KCNE3: variants seen among roughly 807,000 people sequenced by gnomAD.
KCNE3 encodes the protein potassium voltage-gated channel subfamily E member 3.
KCNE3 carries 2 observed loss-of-function variants against 4.3 expected under a neutral mutation model. The ratio of observed to expected loss-of-function variants is 0.47; its 90% CI spans 0.19 to 1.48. The LOEUF is 1.48. Among genes scored for constraint, KCNE3 ranks in the 40% most tolerant of loss-of-function variants. The probability of loss-of-function intolerance (pLI) is 0.25; values close to 1 mark genes in which losing one functional copy is unlikely to be tolerated. For missense variants in KCNE3, 128 were observed against 136.8 expected (o/e 0.94, Z 0.32); for synonymous variants, 47 against 52.0 (o/e 0.90, Z 0.41).
At position 74,457,386 on chromosome 11, in the gene KCNE3, A is replaced by G. The variant is rs1454156785; in HGVS notation, c.178T>C (p.Tyr60His). Residue 60 changes from tyrosine (Y) to histidine (H), a missense_variant, in exon 3 of 3, where the codon TAC (tyrosine) becomes CAC (histidine). Physicochemically the swap from Tyr to His is moderately conservative, Grantham distance 83. Transcript: ENST00000310128. ...AATAGAAACATGACAAAGAGAATGT[A>G]CATGTAGGAGTTGTCATCACGGCCA... ...LPGRDDNSYM[Y>H]ILFVMFLFAV... 6.2e-7 allele frequency: 1 copy of G among 1,614,190 alleles called. No homozygotes were observed. The highest frequency in any genetic ancestry group is 2.2e-5 in the East Asian group (1 of 44,884).
intron 2 of KCNE3, among the ~76,000 whole-genome samples, chr11:74,460,927 A>G (rs3853688): frequency 0.44 from 66,271 of 152,014 alleles, 14,598 homozygotes; most frequent in Admixed American, 0.48. Flanking sequence ...TGAGTCATGA[A>G]TTGGGGCAGA....
Position 74,457,212 on chromosome 11 carries a change from C to G in KCNE3, c.*40G>C. 1 of 1,591,810 alleles carries G rather than the reference C, an allele frequency of 6.3e-7. No homozygotes were observed. The highest frequency in any genetic ancestry group is 1.7e-5 in the Admixed American group (1 of 58,140). ...AGTTCTGGAGGCCCCAGACGCAATC[C>G]CCAGGTGTCTTGGTCTTCCACCGTC... is the stretch of plus-strand genomic sequence containing the variant. On this transcript the variant is annotated 3_prime_UTR_variant, in exon 3 of 3. Coordinates refer to ENST00000310128, the MANE Select transcript of KCNE3 (RefSeq NM_005472.5).
At chr11:74,459,434 T>G (rs1366454726) in intron 2 of KCNE3, among the ~76,000 whole-genome samples, 1 of 151,956 alleles carries the variant, frequency 6.6e-6, no homozygotes. Context: ...GCTAATTTTT[T>G]TGTATTTTTA....
intron 1 of KCNE3, among the ~76,000 whole-genome samples, chr11:74,463,694 C>T (rs1227650373): frequency 6.6e-6 from 1 of 152,108 alleles, no homozygotes; most frequent in Non-Finnish European, 1.5e-5. Flanking sequence ...TCCAGGCCAA[C>T]CCCTCCATTT....
chr11:74,458,516 T>C (rs550182494), intron 2 of KCNE3, among the ~76,000 whole-genome samples: 1 of 152,264 alleles, frequency 6.6e-6, no homozygotes, highest in Non-Finnish European at 1.5e-5. Context: ...ATCACAACTC[T>C]CCTTGAGCAC....
intron 2 of KCNE3, among the ~76,000 whole-genome samples, chr11:74,459,485 AT>A (rs1395906629): frequency 6.6e-6 from 1 of 151,976 alleles, no homozygotes; most frequent in Non-Finnish European, 1.5e-5. Context: ...GATGGTCTCG[AT>A]CTCCTGACTT....
intron 2 of KCNE3, among the ~76,000 whole-genome samples, chr11:74,457,808 G>A (rs1398805352): frequency 6.6e-6 from 1 of 152,146 alleles, no homozygotes; most frequent in Non-Finnish European, 1.5e-5. Flanking sequence ...AATCATGGGG[G>A]TGGGTTTTTC....
chr11:74,463,281 A>G (rs182479166), intron 1 of KCNE3, among the ~76,000 whole-genome samples: 1 of 152,102 alleles, frequency 6.6e-6, no homozygotes, highest in East Asian at 1.9e-4. Context: ...ATAGACTAGG[A>G]TGTTTGTGCT....
chr11:74,463,422 G>C (rs1263584109), intron 1 of KCNE3, among the ~76,000 whole-genome samples: 1 of 152,102 alleles, frequency 6.6e-6, no homozygotes, highest in Non-Finnish European at 1.5e-5. Context: ...GGCACAAGTT[G>C]GTTCTCTATG....
intron 2 of KCNE3, among the ~76,000 whole-genome samples, chr11:74,461,331 G>A (rs1863949336): frequency 6.7e-6 from 1 of 148,494 alleles, no homozygotes; most frequent in African/African-American, 2.6e-5. Context: ...TGTGTTTTAA[G>A]CACAATTTTA....
intron 2 of KCNE3, among the ~76,000 whole-genome samples, chr11:74,460,595 C>T (rs553950616): frequency 6.6e-6 from 1 of 152,112 alleles, no homozygotes; most frequent in South Asian, 2.1e-4. Flanking sequence ...TGAGCAAAGG[C>T]AGAACAAGAA....
intron 1 of KCNE3, among the ~76,000 whole-genome samples, chr11:74,466,942 G>T (rs1864069097): frequency 6.6e-6 from 1 of 152,242 alleles, no homozygotes; most frequent in African/African-American, 2.4e-5. Flanking sequence ...CAGGGTGAAG[G>T]ACACAGTGAG....
chr11:74,460,907 T>C (rs1361581403), intron 2 of KCNE3, among the ~76,000 whole-genome samples: 2 of 152,068 alleles, frequency 1.3e-5, no homozygotes, highest in Non-Finnish European at 2.9e-5. Context: ...AATAGTTTAG[T>C]GTAAGATGCT....
Position 74,456,329 on chromosome 11 carries a change from C to CAAAAA in KCNE3, c.*918_*922dup, listed in dbSNP as rs60016728. ...CCTGGGTGACATAGGGAGACTGTCTCAAAAAAAAAAAAAGAAAAGAAAAGA... is the reference window on the plus strand; with the variant it reads ...CCTGGGTGACATAGGGAGACTGTCTCAAAAAAAAAAAAAAAAAAGAAAAGAAAAGA... On this transcript the variant is annotated 3_prime_UTR_variant, in exon 3 of 3. Transcript: ENST00000310128. The CAAAAA allele has an allele frequency of 0.021, 2,533 of 120,620 alleles. 99 individuals are homozygous for CAAAAA. The highest frequency in any genetic ancestry group is 0.075 in the African/African-American group (2,361 of 31,354). The allele number at this position is 120,620 out of a possible 1,614,324, so 7.5% of individuals were successfully genotyped here. A position where few individuals can be genotyped will look rare whatever the true frequency, so the allele number is the denominator to read the frequency against.
At chr11:74,463,597 C>T (rs891469104) in intron 1 of KCNE3, among the ~76,000 whole-genome samples, 1 of 152,030 alleles carries the variant, frequency 6.6e-6, no homozygotes, top group African/African-American at 2.4e-5. Context: ...GAGGTCTTGC[C>T]TTGAAATAGA....
Position 74,457,444 on chromosome 11 carries a change from G to T in KCNE3, c.120C>A (p.Asp40Glu). 6.2e-7 allele frequency: 1 copy of T among 1,614,004 alleles called. No homozygotes were observed. Among genetic ancestry groups the T allele is most frequent in the Non-Finnish European group, 8.5e-7 (1 of 1,179,848 alleles). ...LCRPGPGLGP[D>E]NQTEERRASL... is the part of the protein sequence containing the mutation. ...TGGCCCGCCTCTCTTCAGTCTGGTT[G>T]TCTGGCCCCAGCCCTGGCCCTGGCC... The change falls in exon 3 of 3, where the codon GAC becomes GAA. Residue 40 changes from aspartate to glutamate, a missense_variant. Coordinates refer to ENST00000310128, the MANE Select transcript of KCNE3 (RefSeq NM_005472.5).
Position 74,464,722 on chromosome 11 carries a change from G to A in KCNE3, c.-189-2619C>T, listed in dbSNP as rs1864024660. Among the ~76,000 whole-genome samples, 4 of 152,150 alleles carry A rather than the reference G, an allele frequency of 2.6e-5. No homozygotes were observed. The South Asian group carries it at 8.3e-4, about 32-fold the overall frequency. On this transcript the variant is annotated intron_variant, in intron 1 of 2. Coordinates refer to ENST00000310128, the MANE Select transcript of KCNE3 (RefSeq NM_005472.5). ...TTCCACTATAAGTTCCCTTCTGCCA[G>A]TAGGGCAGACTCTAAACTCTTCTGA...
intron 1 of KCNE3, 46 bp from the exon 2 acceptor site, chr11:74,462,149 A>T (rs1411748735): frequency 6.5e-6 from 1 of 152,894 alleles, no homozygotes; most frequent in Non-Finnish European, 1.5e-5. Flanking sequence ...CCAGACACAA[A>T]GCACAAACTT....
chr11:74,455,186 C>A lies in KCNE3; in HGVS notation c.*2066G>T, dbSNP rs1048812185. On this transcript the variant is annotated 3_prime_UTR_variant, in exon 3 of 3. Transcript: ENST00000310128. ...TCAAATATTACATAAATTTATCATG[C>A]GGAAAGGGAAAATCACCTATAACCC... The A allele has an allele frequency of 6.6e-6, 1 of 152,062 alleles. No homozygotes were observed. The highest frequency in any genetic ancestry group is 1.5e-5 in the Non-Finnish European group (1 of 68,022). The allele number at this position is 152,062 out of a possible 1,614,324, so 9.4% of individuals were successfully genotyped here.
Sources: allele counts gnomAD v4.1 joint callset (sites outside exome capture counted in the v4.1 genomes callset), GRCh38; gene constraint gnomAD v4.1.1; transcripts MANE v1.5; gene names NCBI Gene and HGNC (gene_info 2026-07-23, HGNC 2026-07-21).